Variants in INF2 observed in about 807,000 individuals in gnomAD.
The protein encoded by INF2 is inverted formin-2.
Under a neutral mutation model 123.5 loss-of-function variants are expected in INF2, and 43 were observed. The observed-to-expected ratio is 0.35, with a 90% CI of 0.27 to 0.45. The LOEUF is 0.45. Ranked by LOEUF, INF2 falls within the 20% of genes least tolerant of loss-of-function variation. INF2 has a pLI of 1.00. For missense variants in INF2, 1,453 were observed against 1,682.7 expected (o/e 0.86, Z 2.39); for synonymous variants, 851 against 745.0 (o/e 1.14, Z -2.32).
At chr14:104,709,423 C>A (rs778868767) in intron 11 of INF2, 40 bp downstream of exon 11, 2 of 1,522,196 alleles carry the variant, frequency 1.3e-6, no homozygotes, top group Non-Finnish European at 1.8e-6. Context: ...CAGTTAGTGC[C>A]ACCAACCAAG....
At chr14:104,715,518 C>T (rs1027449344) in intron 22 of INF2, among the ~76,000 whole-genome samples, 178 bp downstream of exon 22, 2 of 152,214 alleles carry the variant, frequency 1.3e-5, no homozygotes, top group Admixed American at 1.3e-4. Flanking sequence ...CCCATCCCCT[C>T]CCTCTCCGCA....
chr14:104,717,373 C>G (rs1890359039), intron 22 of INF2, among the ~76,000 whole-genome samples: 1 of 152,104 alleles, frequency 6.6e-6, no homozygotes, highest in South Asian at 2.1e-4. Context: ...CTCCCAGTCC[C>G]CCCCGGGCAG....
In INF2 at chr14:104,704,113, A is replaced by G; in HGVS notation, c.701+164A>G. The G allele has an allele frequency of 2.0e-6, 3 of 1,478,286 alleles. No individual in the cohort carries two copies. The South Asian group carries it at 4.0e-5, about 20-fold the overall frequency. 91.6% of individuals were successfully genotyped at this position (1,478,286 alleles called of 1,614,324 possible). On this transcript the variant is annotated intron_variant, in intron 5 of 22. Transcript: ENST00000392634. The stretch of plus-strand genomic sequence containing the variant: ...GGGGTCCAGCCAGAAGCCAGGTCTC[A>G]GGCTAGAATCCAGCTCACTGTCCCT...
rs376067427 is a variant in INF2, at chr14:104,713,451, A to C, written c.2885A>C (p.Lys962Thr). The C allele has an allele frequency of 4.3e-4, 685 of 1,610,352 alleles. No homozygotes were observed. Among genetic ancestry groups the C allele is most frequent in the Non-Finnish European group, 5.3e-4 (628 of 1,179,024 alleles). Residue 962 changes from lysine to threonine, a missense_variant, in exon 20 of 23, where the codon AAG becomes ACG. Coordinates refer to ENST00000392634, the MANE Select transcript of INF2 (RefSeq NM_022489.4). ...AGTGCCCCACGCTCCTCAGTCAGGA[A>C]GGGGCCCGGGAAGCAGGAGGAGGTG... ...PRGEDGKPVR[K>T]GPGKQEEVCV...
intron 5 of INF2, among the ~76,000 whole-genome samples, chr14:104,705,206 C>T (rs970835200): frequency 6.6e-6 from 1 of 152,204 alleles, no homozygotes; most frequent in African/African-American, 2.4e-5. Flanking sequence ...CACCTGAGGT[C>T]AGGAGTTCGA....
rs34642994 is a variant in INF2, at chr14:104,722,499, G to A, written c.*3706G>A. The A allele has an allele frequency of 0.18, 27,357 of 152,080 alleles. 2,619 individuals carry two copies. Among genetic ancestry groups the A allele is most frequent in the Non-Finnish European group, 0.22 (14,642 of 68,002 alleles). 9.4% of individuals were successfully genotyped at this position (152,080 alleles called of 1,614,324 possible). ...TTCCTGGTGGACATTTAACATTGTC[G>A]GTTTCTCTCATCTGGAAACAAACCT... On this transcript the variant is annotated 3_prime_UTR_variant, in exon 23 of 23. Coordinates refer to ENST00000392634, the MANE Select transcript of INF2 (RefSeq NM_022489.4).
At chr14:104,700,114 A>AC (rs1889401406) in intron 1 of INF2, among the ~76,000 whole-genome samples, 1 of 151,804 alleles carries the variant, frequency 6.6e-6, no homozygotes, top group South Asian at 2.1e-4. Flanking sequence ...TGGGTGCTCG[A>AC]CCCCGCTCAG....
intron 22 of INF2, chr14:104,717,542 C>T (rs933313626): frequency 1.3e-5 from 2 of 152,294 alleles, no homozygotes; most frequent in Non-Finnish European, 2.9e-5. Context: ...TATCATATCA[C>T]TTCAGTCTCT....
At chr14:104,697,892 G>GA (rs1406564176) in intron 1 of INF2, among the ~76,000 whole-genome samples, 2 of 151,722 alleles carry the variant, frequency 1.3e-5, no homozygotes, top group African/African-American at 4.9e-5. Context: ...ACTGCCGGGG[G>GA]GGGTGGATGG....
intron 1 of INF2, among the ~76,000 whole-genome samples, chr14:104,697,223 T>C (rs6576058): frequency 0.48 from 72,909 of 152,170 alleles, 19,108 homozygotes; most frequent in African/African-American, 0.69. Context: ...GCATAGGAGC[T>C]CCCACACTGT....
rs746677147 is a variant in INF2 at position 104,712,894 on chromosome 14, C to T, written c.2677C>T (p.Leu893=). 9 of 1,612,716 alleles carry T rather than the reference C, an allele frequency of 5.6e-6. No homozygotes were observed. The South Asian group carries it at 7.7e-5, about 14-fold the overall frequency. Reference sequence around the variant, plus strand: ...GGCCATCGAGCAGAAGCAACGGGAGCTGGCCGACTACCTGTGTGAGGACGC... The same window carrying T: ...GGCCATCGAGCAGAAGCAACGGGAGTTGGCCGACTACCTGTGTGAGGACGC... ...FEAIEQKQRE[L]ADYLCEDAQQ... Residue 893 remains leucine, a synonymous_variant, in exon 18 of 23, where the codon CTG becomes TTG. Transcript: ENST00000392634.
In INF2 at chr14:104,713,281, G is replaced by T. The variant is rs1890141846; in HGVS notation, c.2850G>T (p.Arg950=). The T allele has an allele frequency of 6.5e-7, 1 of 1,550,242 alleles. No homozygotes were observed. Among genetic ancestry groups the T allele is most frequent in the Non-Finnish European group, 8.7e-7 (1 of 1,147,526 alleles). Reference sequence around the variant, plus strand: ...AGCAGCTGGCGGAGGAGGAGGCGCGGCGGCCTCGGGGAGAGGACGGGAAGC... The same window carrying T: ...AGCAGCTGGCGGAGGAGGAGGCGCGTCGGCCTCGGGGAGAGGACGGGAAGC... ...RKQQLAEEEA[R]RPRGEDGKPV... is the part of the protein sequence containing the mutation. The change falls in exon 19 of 23, where the codon CGG becomes CGT. Residue 950 remains arginine (R), a synonymous_variant. Coordinates refer to ENST00000392634, the MANE Select transcript of INF2 (RefSeq NM_022489.4).
rs1008939703 is a variant in INF2, at chr14:104,684,163, G to A, written c.-104+2581G>A. 71 of 455,748 alleles carry A rather than the reference G, an allele frequency of 1.6e-4. No individual in the cohort carries two copies. Among genetic ancestry groups the A allele is most frequent in the South Asian group, 5.1e-4 (33 of 64,502 alleles). The allele number at this position is 455,748 out of a possible 1,614,324, so 28.2% of individuals were successfully genotyped here. ...CCATCATGCAAGTAACCTGCGTGCCGCCACGGGAAACAGCACGCATCCCAT... is the reference window on the plus strand; with the variant it reads ...CCATCATGCAAGTAACCTGCGTGCCACCACGGGAAACAGCACGCATCCCAT... On this transcript the variant is annotated intron_variant, in intron 1 of 2. Coordinates refer to the INF2 transcript ENST00000674723. The surrounding 1 kb of genome is among the most constrained non-coding windows in gnomAD (Gnocchi z 5.0).
At chr14:104,698,096 G>A (rs1889278623) in intron 1 of INF2, among the ~76,000 whole-genome samples, 1 of 152,244 alleles carries the variant, frequency 6.6e-6, no homozygotes, top group Admixed American at 6.5e-5. Flanking sequence ...TACAGCCGGG[G>A]CTGGGGAGCT....
At chr14:104,711,934 G>C (rs2140686947) in intron 16 of INF2, among the ~76,000 whole-genome samples, 1 of 152,338 alleles carries the variant, frequency 6.6e-6, no homozygotes, top group Non-Finnish European at 1.5e-5. Flanking sequence ...GGGCTGGCCA[G>C]GTCAGGGTCA....
At position 104,703,231 on chromosome 14, in the gene INF2, G is replaced by C; in HGVS notation, c.507+11G>C. ...CTGGACCACTACAAGGTGGGCGGCA[G>C]GGCCTGGGCCTGGGCACATGGGGCT... On this transcript the variant is annotated intron_variant, in intron 3 of 22. Coordinates refer to ENST00000392634, the MANE Select transcript of INF2 (RefSeq NM_022489.4). The C allele has an allele frequency of 1.9e-6, 3 of 1,613,030 alleles. No individual in the cohort carries two copies. Among genetic ancestry groups the C allele is most frequent in the Non-Finnish European group, 1.7e-6 (2 of 1,179,824 alleles).
intron 2 of INF2, 78 bp from the exon 3 acceptor site, chr14:104,703,027 C>T: frequency 1.6e-6 from 2 of 1,222,308 alleles, no homozygotes; most frequent in South Asian, 2.5e-5. Flanking sequence ...GGCCCAGAGC[C>T]CCAGCCCTGA....
intron 1 of INF2, among the ~76,000 whole-genome samples, chr14:104,683,171 G>T (rs560327217): frequency 9.9e-5 from 15 of 152,182 alleles, no homozygotes; most frequent in African/African-American, 3.6e-4. Context: ...AGGGGTCTGC[G>T]GGTGGCTGCA....
At chr14:104,706,831 C>A in intron 6 of INF2, 79 bp from the exon 7 acceptor site, 1 of 1,533,734 alleles carries the variant, frequency 6.5e-7, no homozygotes, top group Non-Finnish European at 8.8e-7. Context: ...GGGCTGGACA[C>A]CCTGGCAGAC....
Sources: gnomAD v4.1 joint callset for allele counts (sites outside exome capture counted in the v4.1 genomes callset) on GRCh38, gnomAD v4.1.1 for gene constraint, Gnocchi (gnomAD v3.1) non-coding constraint, MANE v1.5 for transcripts, NCBI Gene and HGNC (gene_info 2026-07-23, HGNC 2026-07-21) for gene names.